The following NCALD variants were observed in gnomAD, a reference collection of about 807,000 sequenced individuals.
NCALD encodes the protein neurocalcin-delta.
NCALD carries 10 observed loss-of-function variants against 18.6 expected under a neutral mutation model. The ratio of observed to expected loss-of-function variants is 0.54; its 90% CI spans 0.33 to 0.91. NCALD has a LOEUF of 0.91. Ranked by LOEUF, NCALD falls within the 40% of genes least tolerant of loss-of-function variation. The pLI is 0.03. For missense variants in NCALD, 184 were observed against 247.6 expected, an observed-to-expected ratio of 0.74 and a Z score of 1.72; for synonymous variants, 88 against 87.4, an observed-to-expected ratio of 1.01 and a Z score of -0.04.
At chr8:101,875,174 C>T (rs964056841) in intron 4 of NCALD, among the ~76,000 whole-genome samples, 5 of 152,194 alleles carry the variant, frequency 3.3e-5, no homozygotes, top group Non-Finnish European at 7.3e-5. Flanking sequence ...TTTCATTTCA[C>T]AGATGAAGAA....
intron 1 of NCALD, among the ~76,000 whole-genome samples, chr8:102,087,550 T>C (rs888271613): frequency 1.3e-5 from 2 of 152,126 alleles, no homozygotes; most frequent in Non-Finnish European, 2.9e-5. Flanking sequence ...AAACTTGGGT[T>C]TGAGGCCCAA....
intron 1 of NCALD, among the ~76,000 whole-genome samples, chr8:101,726,295 G>A (rs2130523276): frequency 1.3e-5 from 2 of 152,268 alleles, no homozygotes; most frequent in Admixed American, 1.3e-4. Flanking sequence ...GGACCACTCT[G>A]GCTGCTGTGT....
At chr8:101,933,983 G>A (rs484507) in intron 2 of NCALD, among the ~76,000 whole-genome samples, 89,344 of 151,964 alleles carry the variant, frequency 0.59, 26,365 homozygotes, top group South Asian at 0.66. Flanking sequence ...CAAATGACAT[G>A]TATATCAGAG....
intron 2 of NCALD, among the ~76,000 whole-genome samples, chr8:101,951,757 C>A (rs895405998): frequency 1.3e-5 from 2 of 152,318 alleles, no homozygotes; most frequent in South Asian, 2.1e-4. Context: ...CAATAAGTTT[C>A]CACGATGGAT....
At position 102,108,032 on chromosome 8, in the gene NCALD, C is replaced by T. The variant is rs1468730813; in HGVS notation, c.-210+16205G>A. Among the ~76,000 whole-genome samples, 5 of 151,988 alleles carry T rather than the reference C, an allele frequency of 3.3e-5. No homozygotes were observed. The South Asian group carries it at 1.0e-3, about 31-fold the overall frequency. ...CCCCTGCTCCTGGTCCCCACTTGGC[C>T]GCCAGCAGAGAAGGCAAAAAGCAGG... On this transcript the variant is annotated intron_variant, in intron 1 of 6. Transcript: ENST00000311028.
intron 4 of NCALD, among the ~76,000 whole-genome samples, chr8:101,804,520 CAA>C (rs1409683674): frequency 6.5e-5 from 7 of 107,628 alleles, no homozygotes; most frequent in Admixed American, 3.0e-4. Flanking sequence ...TAATATATAA[CAA>C]AGATTATATA....
At chr8:101,714,564 G>C (rs1322611003) in intron 2 of NCALD, among the ~76,000 whole-genome samples, 1 of 152,180 alleles carries the variant, frequency 6.6e-6, no homozygotes, top group African/African-American at 2.4e-5. Flanking sequence ...CGGCCATATT[G>C]TCCAAAGTAA....
intron 1 of NCALD, among the ~76,000 whole-genome samples, chr8:101,731,166 C>T (rs1404049077): frequency 2.6e-5 from 4 of 152,020 alleles, no homozygotes; most frequent in Middle Eastern, 3.2e-3. Flanking sequence ...AAACTGGAGG[C>T]GTGCCTAGCG....
intron 2 of NCALD, among the ~76,000 whole-genome samples, chr8:102,014,990 T>A (rs28379664): frequency 0.16 from 23,723 of 152,058 alleles, 2,496 homozygotes; most frequent in African/African-American, 0.29. Flanking sequence ...ACCCTTTGAA[T>A]ACCAAGGGTG....
chr8:101,842,876 GGA>G (rs1814701247), intron 4 of NCALD, among the ~76,000 whole-genome samples: 1 of 152,072 alleles, frequency 6.6e-6, no homozygotes, highest in African/African-American at 2.4e-5. Context: ...TCCCAGGGAG[GGA>G]GAGAGAGAGA....
chr8:101,861,808 T>G (rs1815554307), intron 4 of NCALD, among the ~76,000 whole-genome samples: 1 of 152,186 alleles, frequency 6.6e-6, no homozygotes, highest in South Asian at 2.1e-4. Flanking sequence ...ATGAGAAAAT[T>G]AATGTTCACC....
At chr8:101,752,313 AC>A (rs2130780709) in intron 1 of NCALD, among the ~76,000 whole-genome samples, 1 of 152,358 alleles carries the variant, frequency 6.6e-6, no homozygotes, top group East Asian at 1.9e-4. Flanking sequence ...TGGAGACAGC[AC>A]CACTACCTTA....
intron 1 of NCALD, among the ~76,000 whole-genome samples, chr8:101,764,723 T>G (rs1811272209): frequency 6.6e-6 from 1 of 152,252 alleles, no homozygotes; most frequent in Admixed American, 6.5e-5. Flanking sequence ...AGCACTTCAC[T>G]GTGGTGGCAG....
At chr8:101,871,966 C>G (rs953558454) in intron 4 of NCALD, 29 of 769,574 alleles carry the variant, frequency 3.8e-5, no homozygotes, top group African/African-American at 3.1e-4. Context: ...CAGTTTCCAC[C>G]CCAACTCATC....
chr8:102,051,635 C>T lies in NCALD; in HGVS notation c.-209-31346G>A, dbSNP rs188202552. Among the ~76,000 whole-genome samples, 65 of 152,324 alleles carry T rather than the reference C, an allele frequency of 4.3e-4. 1 individual carries two copies. The East Asian group carries it at 0.012, about 28-fold the overall frequency. On this transcript the variant is annotated intron_variant, in intron 1 of 6. Coordinates refer to the NCALD transcript ENST00000311028. ...CATTTACATGGATGAATCTCAAATA[C>T]ATTCTGCTAATTCAACTGCTGCTGC...
At chr8:101,974,097 A>G (rs1820336149) in intron 2 of NCALD, among the ~76,000 whole-genome samples, 1 of 150,434 alleles carries the variant, frequency 6.6e-6, no homozygotes, top group African/African-American at 2.5e-5. Context: ...CAAGAACTTT[A>G]GCTCTCCCTG....
At chr8:102,050,875 A>G (rs1299775958) in intron 1 of NCALD, among the ~76,000 whole-genome samples, 1 of 145,078 alleles carries the variant, frequency 6.9e-6, no homozygotes, top group Non-Finnish European at 1.5e-5. Flanking sequence ...TTAATTTTTA[A>G]TTTAATTGAT....
chr8:101,796,646 GA>G (rs905813181), intron 4 of NCALD, among the ~76,000 whole-genome samples: 8 of 152,004 alleles, frequency 5.3e-5, no homozygotes, highest in African/African-American at 1.9e-4. Context: ...ATGATAAGAA[GA>G]ATAGAAAATA....
At chr8:101,829,979 T>TG (rs1168540992) in intron 4 of NCALD, among the ~76,000 whole-genome samples, 1 of 150,882 alleles carries the variant, frequency 6.6e-6, no homozygotes, top group Non-Finnish European at 1.5e-5. Context: ...CATGGGTTTT[T>TG]TTTTTTTTTT....
Sources: gnomAD v4.1 joint callset for allele counts (sites outside exome capture counted in the v4.1 genomes callset) on GRCh38, gnomAD v4.1.1 for gene constraint, MANE v1.5 for transcripts, NCBI Gene and HGNC (gene_info 2026-07-23, HGNC 2026-07-21) for gene names.